IGSF21: variants seen among roughly 807,000 people sequenced by gnomAD.
IGSF21 encodes immunoglobin superfamily member 21.
Under a neutral mutation model 46.8 loss-of-function variants are expected in IGSF21, and 28 were observed. The ratio of observed to expected loss-of-function variants is 0.60; its 90% CI spans 0.44 to 0.82. IGSF21 has a LOEUF of 0.82. IGSF21 is among the 40% of genes least tolerant of loss of function. The pLI, the probability that IGSF21 is intolerant of heterozygous loss-of-function variation, is 0.00. For synonymous variants in IGSF21, 284 were observed against 273.6 expected (o/e 1.04, Z -0.38); for missense variants, 624 against 665.5 (o/e 0.94, Z 0.69).
At chr1:18,338,924 G>A (rs1038345822) in intron 4 of IGSF21, among the ~76,000 whole-genome samples, 15 of 151,992 alleles carry the variant, frequency 9.9e-5, no homozygotes, top group South Asian at 2.1e-4. Flanking sequence ...TTAAGGGTGC[G>A]CTGTTACAAT....
At chr1:18,139,294 G>A (rs1228521153) in intron 1 of IGSF21, among the ~76,000 whole-genome samples, 3 of 152,126 alleles carry the variant, frequency 2.0e-5, no homozygotes, top group Admixed American at 2.0e-4. Context: ...AAATGCGGTC[G>A]CTGAACCAGA....
chr1:18,155,198 T>C (rs1412230335), intron 1 of IGSF21, among the ~76,000 whole-genome samples: 2 of 151,964 alleles, frequency 1.3e-5, no homozygotes, highest in African/African-American at 4.8e-5. Flanking sequence ...TGCACCCGCC[T>C]CCCCAGCTGT....
At chr1:18,223,198 G>C (rs764323224) in intron 1 of IGSF21, among the ~76,000 whole-genome samples, 4 of 152,214 alleles carry the variant, frequency 2.6e-5, no homozygotes, top group Non-Finnish European at 5.9e-5. Context: ...CCAACCCCAG[G>C]TCTCTCTGTT....
chr1:18,132,752 G>A lies in IGSF21; in HGVS notation c.70+24554G>A, dbSNP rs184784264. ...TTGGTGGGCAAGGGGGTGGGGGACC[G>A]CTGCTGGGTTTAACAGGGTCTGCAA... is the stretch of plus-strand genomic sequence containing the variant. On this transcript the variant is annotated intron_variant, in intron 1 of 9. Coordinates refer to ENST00000251296, the MANE Select transcript of IGSF21 (RefSeq NM_032880.5). Among the ~76,000 whole-genome samples the A allele has an allele frequency of 4.6e-5, 7 of 152,200 alleles. 1 individual carries two copies. Among genetic ancestry groups the A allele is most frequent in the Non-Finnish European group, 8.8e-5 (6 of 67,996 alleles).
chr1:18,177,320 T>C (rs1031570), intron 1 of IGSF21, among the ~76,000 whole-genome samples: 87,115 of 151,204 alleles, frequency 0.58, 25,445 homozygotes, highest in Middle Eastern at 0.66. Flanking sequence ...GAAAAGTCCA[T>C]GCAGAGCCCT....
intron 3 of IGSF21, among the ~76,000 whole-genome samples, chr1:18,304,803 A>G (rs2085395908): frequency 6.6e-6 from 1 of 152,030 alleles, no homozygotes; most frequent in Admixed American, 6.6e-5. Flanking sequence ...CAGCTTTATT[A>G]CTAATTATGC....
At chr1:18,343,148 G>A (rs972360250) in intron 4 of IGSF21, among the ~76,000 whole-genome samples, 1 of 152,182 alleles carries the variant, frequency 6.6e-6, no homozygotes, top group Non-Finnish European at 1.5e-5. Context: ...CCTAGTGAAT[G>A]TGGAGTGATG....
intron 1 of IGSF21, among the ~76,000 whole-genome samples, chr1:18,214,908 A>AT (rs1193086399): frequency 6.6e-6 from 1 of 152,060 alleles, no homozygotes; most frequent in African/African-American, 2.4e-5. Flanking sequence ...CACCAAGCTA[A>AT]TTTTTGTATT....
rs759984330 is a variant in IGSF21, at chr1:18,365,319, C to T, written c.637C>T (p.Arg213Cys). Residue 213 changes from arginine (R) to cysteine (C), a missense_variant, in exon 6 of 10, where the codon CGC becomes TGC. By Grantham distance (180) the Arg-to-Cys change is radical. Coordinates refer to ENST00000251296, the MANE Select transcript of IGSF21 (RefSeq NM_032880.5). The surrounding 1 kb of genome is among the most constrained non-coding windows in gnomAD (Gnocchi z 4.8). ...CCCCCTACAGGACAGCAGGCCCTTC[C>T]GCAGCCTTCTGCACCGTGACCTGGA... ...SGPLQDSRPF[R>C]SLLHRDLDDT... 3.7e-6 allele frequency: 6 copies of T among 1,614,128 alleles called. No homozygotes were observed. The highest frequency in any genetic ancestry group is 2.2e-5 in the East Asian group (1 of 44,864).
chr1:18,365,464 C>A lies in IGSF21; in HGVS notation c.782C>A (p.Thr261Asn), dbSNP rs1357183178. ...TPDPNILLQP[T>N]TENIPETVVS... ...GATCCCAACATCCTCCTCCAGCCAACCACAGAGAACATACCAGAGACGGTC... is the reference window on the plus strand; with the variant it reads ...GATCCCAACATCCTCCTCCAGCCAAACACAGAGAACATACCAGAGACGGTC... The change falls in exon 6 of 10, where the codon ACC becomes AAC. Residue 261 changes from threonine to asparagine, a missense_variant. Coordinates refer to ENST00000251296, the MANE Select transcript of IGSF21 (RefSeq NM_032880.5). This position sits in a 1 kb window ranked among gnomAD's most constrained non-coding sequence, Gnocchi z 4.8. The A allele has an allele frequency of 6.2e-7, 1 of 1,614,040 alleles. No homozygotes were observed. The highest frequency in any genetic ancestry group is 1.7e-5 in the Admixed American group (1 of 60,004).
At chr1:18,297,816 AT>A (rs971680470) in intron 3 of IGSF21, among the ~76,000 whole-genome samples, 5 of 92,284 alleles carry the variant, frequency 5.4e-5, no homozygotes, top group Admixed American at 1.9e-4. Context: ...TTGCATTATT[AT>A]TTTTTTTCTC....
rs373990258 is a variant in IGSF21, at chr1:18,240,679, G to A, written c.183+12669G>A. Among the ~76,000 whole-genome samples, 7 of 152,306 alleles carry A rather than the reference G, an allele frequency of 4.6e-5. 2 individuals are homozygous for A. ...GGGTCACAGAGGTAAACTTGTAGTTGATGAGGTTAATAACTTTCCCACAGT... is the reference window on the plus strand; with the variant it reads ...GGGTCACAGAGGTAAACTTGTAGTTAATGAGGTTAATAACTTTCCCACAGT... On this transcript the variant is annotated intron_variant, in intron 2 of 9. Coordinates refer to ENST00000251296, the MANE Select transcript of IGSF21 (RefSeq NM_032880.5).
intron 2 of IGSF21, among the ~76,000 whole-genome samples, chr1:18,234,455 C>G (rs1391548398): frequency 6.6e-6 from 1 of 152,200 alleles, no homozygotes; most frequent in Non-Finnish European, 1.5e-5. Flanking sequence ...GTTCCCAGGT[C>G]TACTTCCATT....
chr1:18,191,587 C>A (rs961320987), intron 1 of IGSF21, among the ~76,000 whole-genome samples: 1 of 151,992 alleles, frequency 6.6e-6, no homozygotes. Flanking sequence ...GGGTGTGTAT[C>A]CCCTGGCGCG....
chr1:18,174,722 A>G (rs1372549821), intron 1 of IGSF21, among the ~76,000 whole-genome samples: 1 of 152,216 alleles, frequency 6.6e-6, no homozygotes. Context: ...TCTGTTCGAC[A>G]CTGGCTCCCA....
intron 2 of IGSF21, among the ~76,000 whole-genome samples, chr1:18,275,490 C>T (rs767278521): frequency 2.3e-4 from 35 of 152,156 alleles, no homozygotes; most frequent in Admixed American, 5.2e-4. Flanking sequence ...ATCAGACATG[C>T]AGCAGCCATA....
chr1:18,302,086 C>T (rs551053666), intron 3 of IGSF21, among the ~76,000 whole-genome samples: 4 of 152,134 alleles, frequency 2.6e-5, no homozygotes, highest in Non-Finnish European at 5.9e-5. Context: ...TCCCCCATAC[C>T]GGCATTGACC....
intron 1 of IGSF21, among the ~76,000 whole-genome samples, chr1:18,155,671 A>G (rs1294855440): frequency 1.3e-5 from 2 of 152,222 alleles, no homozygotes; most frequent in Non-Finnish European, 2.9e-5. Context: ...CATCTTGGCA[A>G]GCCTGAAATC....
At chr1:18,129,966 AC>A (rs2086303836) in intron 1 of IGSF21, among the ~76,000 whole-genome samples, 1 of 152,128 alleles carries the variant, frequency 6.6e-6, no homozygotes, top group South Asian at 2.1e-4. Flanking sequence ...AGCCTCCAGA[AC>A]CATGGGCCAA....
Sources: allele counts gnomAD v4.1 joint callset (sites outside exome capture counted in the v4.1 genomes callset), GRCh38; gene constraint gnomAD v4.1.1; non-coding constraint Gnocchi (gnomAD v3.1); transcripts MANE v1.5; gene names NCBI Gene and HGNC (gene_info 2026-07-23, HGNC 2026-07-21).